Variants in DPP10 observed in about 807,000 individuals in gnomAD.
The protein encoded by DPP10 is dipeptidyl peptidase like 10.
Under a neutral mutation model 120.9 loss-of-function variants are expected in DPP10, and 33 were observed. That is an observed-to-expected ratio of 0.27 (90% CI 0.21 to 0.37). DPP10 has a LOEUF of 0.37. Among genes scored for constraint, DPP10 ranks in the 10% least tolerant of loss-of-function variants. The pLI is 1.00. For missense variants in DPP10, 816 were observed against 942.8 expected (o/e 0.87, Z 1.76); for synonymous variants, 337 against 326.1 (o/e 1.03, Z -0.36).
intron 4 of DPP10, among the ~76,000 whole-genome samples, chr2:115,508,858 G>A (rs901098577): frequency 1.3e-5 from 2 of 152,148 alleles, no homozygotes; most frequent in Non-Finnish European, 2.9e-5. Flanking sequence ...AGCTGAGATA[G>A]CGCCACTGCA....
At position 115,409,683 on chromosome 2, in the gene DPP10, G is replaced by A. The variant is rs556019423; in HGVS notation, c.271+65771G>A. Among the ~76,000 whole-genome samples the A allele has an allele frequency of 7.2e-5, 11 of 152,186 alleles. No homozygotes were observed. The East Asian group carries it at 7.7e-4, about 11-fold the overall frequency. Reference sequence around the variant, plus strand: ...TGCATATCTATCAAGAGGAAAAACCGTCATTAAATGAAAAACACACATGCA... The same window carrying A: ...TGCATATCTATCAAGAGGAAAAACCATCATTAAATGAAAAACACACATGCA... On this transcript the variant is annotated intron_variant, in intron 3 of 25. Coordinates refer to ENST00000410059, the MANE Select transcript of DPP10 (RefSeq NM_020868.6).
intron 19 of DPP10, among the ~76,000 whole-genome samples, chr2:115,795,974 A>G (rs573750237): frequency 7.2e-5 from 11 of 152,090 alleles, no homozygotes; most frequent in Non-Finnish European, 1.3e-4. Flanking sequence ...GGCAAAATCC[A>G]TATCTGAGAA....
At chr2:115,733,587 A>T (rs2092961243) in intron 8 of DPP10, among the ~76,000 whole-genome samples, 1 of 62,306 alleles carries the variant, frequency 1.6e-5, no homozygotes, top group African/African-American at 3.7e-5. Flanking sequence ...AATGCAGAAA[A>T]TTGAAAAAAA....
chr2:115,359,896 A>G (rs916407646), intron 3 of DPP10, among the ~76,000 whole-genome samples: 12 of 152,058 alleles, frequency 7.9e-5, no homozygotes, highest in Non-Finnish European at 1.8e-4. Context: ...AGCATTGTCT[A>G]TTCTATTTTT....
At chr2:115,336,181 A>G (rs1001173825) in intron 2 of DPP10, among the ~76,000 whole-genome samples, 16 of 151,982 alleles carry the variant, frequency 1.1e-4, no homozygotes, top group South Asian at 2.1e-4. Context: ...CAGCCAACTC[A>G]TTTCAAAGGC....
At chr2:114,988,026 G>A (rs927571228) in intron 1 of DPP10, among the ~76,000 whole-genome samples, 7 of 151,730 alleles carry the variant, frequency 4.6e-5, no homozygotes, top group South Asian at 2.1e-4. Flanking sequence ...GGATGGTCTC[G>A]ATCTCCTGAC....
intron 1 of DPP10, among the ~76,000 whole-genome samples, chr2:114,634,791 A>G (rs1695189192): frequency 6.6e-6 from 1 of 151,956 alleles, no homozygotes; most frequent in Non-Finnish European, 1.5e-5. Flanking sequence ...TAAAACTATA[A>G]TAGTACGACT....
At chr2:114,552,670 C>T (rs112050636) in intron 1 of DPP10, among the ~76,000 whole-genome samples, 3,122 of 152,096 alleles carry the variant, frequency 0.021, 119 homozygotes, top group African/African-American at 0.07. Context: ...CTCAGCCTCC[C>T]GAGTAGCTGG....
At chr2:114,598,167 A>C (rs1232470864) in intron 1 of DPP10, among the ~76,000 whole-genome samples, 1 of 151,964 alleles carries the variant, frequency 6.6e-6, no homozygotes, top group African/African-American at 2.4e-5. Flanking sequence ...TGCATCATAG[A>C]GGATATAAAA....
intron 1 of DPP10, among the ~76,000 whole-genome samples, chr2:114,820,436 A>G (rs1253144067): frequency 2.0e-5 from 3 of 152,230 alleles, no homozygotes; most frequent in Non-Finnish European, 4.4e-5. Flanking sequence ...GATTTTTGAA[A>G]GTAGTAAGTG....
intron 2 of DPP10, among the ~76,000 whole-genome samples, chr2:115,320,143 T>G (rs62167293): frequency 0.73 from 110,414 of 151,956 alleles, 40,642 homozygotes; most frequent in Admixed American, 0.79. Flanking sequence ...CTTCTTCTCA[T>G]AACAATTTTT....
At chr2:114,657,265 A>G (rs1697035634) in intron 1 of DPP10, among the ~76,000 whole-genome samples, 1 of 152,196 alleles carries the variant, frequency 6.6e-6, no homozygotes, top group South Asian at 2.1e-4. Context: ...TGTAGTCATC[A>G]TCAGACAGTT....
chr2:115,236,066 C>T (rs2105523814), intron 1 of DPP10, among the ~76,000 whole-genome samples: 1 of 152,296 alleles, frequency 6.6e-6, no homozygotes, highest in South Asian at 2.1e-4. Flanking sequence ...AAAACCTATA[C>T]ATACTCCCCC....
chr2:115,392,266 C>T (rs1161612508), intron 3 of DPP10, among the ~76,000 whole-genome samples: 1 of 152,022 alleles, frequency 6.6e-6, no homozygotes, highest in Non-Finnish European at 1.5e-5. Context: ...GTAAAACCTA[C>T]TGAGGCTCTA....
chr2:114,572,246 C>G (rs1689713905), intron 1 of DPP10, among the ~76,000 whole-genome samples: 1 of 151,996 alleles, frequency 6.6e-6, no homozygotes, highest in Non-Finnish European at 1.5e-5. Flanking sequence ...AATTGTGACT[C>G]TATAGTTAAA....
chr2:114,716,299 G>A (rs960890301), intron 1 of DPP10, among the ~76,000 whole-genome samples: 1 of 152,164 alleles, frequency 6.6e-6, no homozygotes, highest in African/African-American at 2.4e-5. Context: ...TGTATGACTT[G>A]GTGAAAGTTT....
At chr2:114,909,785 A>G (rs1159065580) in intron 1 of DPP10, among the ~76,000 whole-genome samples, 1 of 152,030 alleles carries the variant, frequency 6.6e-6, no homozygotes, top group Admixed American at 6.6e-5. Flanking sequence ...AACAAACACA[A>G]ATCTTCTTTA....
intron 1 of DPP10, among the ~76,000 whole-genome samples, chr2:114,481,900 A>G (rs1325487384): frequency 6.6e-6 from 1 of 150,794 alleles, no homozygotes; most frequent in Non-Finnish European, 1.5e-5. Flanking sequence ...AGGAGAAGAG[A>G]GGAGAAGGGA....
At chr2:114,466,926 T>C (rs1308092727) in intron 1 of DPP10, among the ~76,000 whole-genome samples, 2 of 151,240 alleles carry the variant, frequency 1.3e-5, no homozygotes, top group Non-Finnish European at 2.9e-5. Context: ...CAGATGCCTA[T>C]AGTCCCAGCT....
Sources: gnomAD v4.1 joint callset for allele counts (sites outside exome capture counted in the v4.1 genomes callset) on GRCh38, gnomAD v4.1.1 for gene constraint, MANE v1.5 for transcripts, NCBI Gene and HGNC (gene_info 2026-07-23, HGNC 2026-07-21) for gene names.